The following CCDC6 variants were observed in gnomAD, a reference collection of about 807,000 sequenced individuals.
CCDC6 encodes the protein coiled-coil domain containing 6.
CCDC6 carries 20 observed loss-of-function variants against 56.6 expected under a neutral mutation model. That is an observed-to-expected ratio of 0.35 (90% CI 0.25 to 0.51). The LOEUF (loss-of-function observed/expected upper bound fraction) is 0.51. Among genes scored for constraint, CCDC6 ranks in the 20% least tolerant of loss-of-function variants. CCDC6 has a pLI of 0.95. For missense variants in CCDC6, 367 were observed against 601.1 expected (o/e 0.61, Z 4.07); for synonymous variants, 241 against 234.4 (o/e 1.03, Z -0.26).
chr10:59,846,288 T>C (rs2070990871), intron 2 of CCDC6, among the ~76,000 whole-genome samples: 1 of 152,210 alleles, frequency 6.6e-6, no homozygotes, highest in Non-Finnish European at 1.5e-5. Context: ...CAGGCAGATC[T>C]GGAGACCTAG....
chr10:59,894,224 C>T (rs1029267878), intron 1 of CCDC6, among the ~76,000 whole-genome samples: 6 of 152,312 alleles, frequency 3.9e-5, no homozygotes, highest in African/African-American at 9.6e-5. Flanking sequence ...ACTCTTCCCC[C>T]GCCCTTCTGT....
chr10:59,900,500 C>T (rs184003757), intron 1 of CCDC6, among the ~76,000 whole-genome samples: 457 of 152,242 alleles, frequency 3.0e-3, no homozygotes, highest in Admixed American at 5.7e-3. Flanking sequence ...GGGCTAAACG[C>T]ATGTAAGAGG....
intron 1 of CCDC6, among the ~76,000 whole-genome samples, chr10:59,874,074 T>C (rs1037813896): frequency 2.2e-4 from 34 of 151,522 alleles, no homozygotes; most frequent in African/African-American, 7.8e-4. Flanking sequence ...TGGTGAAGCA[T>C]GTCCGAAGCG....
intron 2 of CCDC6, among the ~76,000 whole-genome samples, chr10:59,836,089 A>G (rs1192509040): frequency 6.6e-6 from 1 of 151,142 alleles, no homozygotes. Context: ...GCTTGAGAGA[A>G]GCACAGAAGC....
At chr10:59,834,778 G>C (rs924733467) in intron 2 of CCDC6, among the ~76,000 whole-genome samples, 1 of 152,106 alleles carries the variant, frequency 6.6e-6, no homozygotes, top group African/African-American at 2.4e-5. Flanking sequence ...TTAAAACTCA[G>C]GTTCTGCAAG....
chr10:59,817,479 T>C (rs1430084134), intron 3 of CCDC6, among the ~76,000 whole-genome samples: 2 of 152,152 alleles, frequency 1.3e-5, no homozygotes, highest in Non-Finnish European at 2.9e-5. Context: ...GCCCCCAGCC[T>C]CAGAATTATG....
At chr10:59,816,166 C>A (rs1477072470) in intron 3 of CCDC6, among the ~76,000 whole-genome samples, 1 of 152,058 alleles carries the variant, frequency 6.6e-6, no homozygotes, top group Non-Finnish European at 1.5e-5. Context: ...ACATCTGAGC[C>A]AGAATGAATA....
chr10:59,897,187 G>T (rs79282050), intron 1 of CCDC6, among the ~76,000 whole-genome samples: 8,056 of 151,958 alleles, frequency 0.053, 359 homozygotes, highest in African/African-American at 0.12. Flanking sequence ...GTCTAGTGAA[G>T]AACTCCACCC....
chr10:59,902,971 A>C (rs1457802120), intron 1 of CCDC6, among the ~76,000 whole-genome samples: 1 of 152,222 alleles, frequency 6.6e-6, no homozygotes, highest in Non-Finnish European at 1.5e-5. Flanking sequence ...ATACATCCAA[A>C]CAATGAAATA....
chr10:59,809,883 C>G (rs2070658996), intron 5 of CCDC6, among the ~76,000 whole-genome samples: 1 of 152,226 alleles, frequency 6.6e-6, no homozygotes, highest in Non-Finnish European at 1.5e-5. Context: ...TAAGGACTTA[C>G]TGTATTTTAG....
chr10:59,873,806 T>C (rs1416578115), intron 1 of CCDC6, among the ~76,000 whole-genome samples: 1 of 152,130 alleles, frequency 6.6e-6, no homozygotes, highest in African/African-American at 2.4e-5. Flanking sequence ...GATTTTGTAA[T>C]AGACTGCTAA....
chr10:59,904,866 A>G (rs1178562363), intron 1 of CCDC6, among the ~76,000 whole-genome samples: 2 of 152,156 alleles, frequency 1.3e-5, no homozygotes, highest in African/African-American at 2.4e-5. Context: ...GGGTGTACAC[A>G]CGCGTGCGCA....
intron 6 of CCDC6, chr10:59,805,357 CAA>C (rs1397029898): frequency 6.6e-6 from 1 of 152,160 alleles, no homozygotes; most frequent in Non-Finnish European, 1.5e-5. Context: ...TTCTTTCTCC[CAA>C]ATGTAGTATC....
chr10:59,791,955 G>A lies in CCDC6; in HGVS notation c.*962C>T, dbSNP rs55635652. On this transcript the variant is annotated 3_prime_UTR_variant, in exon 9 of 9. Coordinates refer to ENST00000263102, the MANE Select transcript of CCDC6 (RefSeq NM_005436.5). ...TCTGGCCATTATGCCAAGATAATGC[G>A]ATAATGTCCATTTCAAATAGTATTT... 265 of 220,948 alleles carry A rather than the reference G, an allele frequency of 1.2e-3. 3 individuals carry two copies. Among genetic ancestry groups the A allele is most frequent in the African/African-American group, 5.5e-3 (244 of 44,738 alleles). The allele number at this position is 220,948 out of a possible 1,614,324, so 13.7% of individuals were successfully genotyped here. A position where few individuals can be genotyped will look rare whatever the true frequency, so the allele number is the denominator to read the frequency against.
At chr10:59,822,139 ATACAGCTT>A (rs1386406060) in intron 3 of CCDC6, among the ~76,000 whole-genome samples, 1 of 152,206 alleles carries the variant, frequency 6.6e-6, no homozygotes, top group African/African-American at 2.4e-5. Context: ...ACTTTCTTTA[ATACAGCTT>A]ACATCTTTTT....
At chr10:59,880,073 C>A (rs1475926487) in intron 1 of CCDC6, among the ~76,000 whole-genome samples, 1 of 152,096 alleles carries the variant, frequency 6.6e-6, no homozygotes, top group Non-Finnish European at 1.5e-5. Context: ...CTGGCAGAGG[C>A]TCTGAGTGCA....
At chr10:59,880,073 C>T (rs1475926487) in intron 1 of CCDC6, among the ~76,000 whole-genome samples, 1 of 152,096 alleles carries the variant, frequency 6.6e-6, no homozygotes, top group Admixed American at 6.5e-5. Context: ...CTGGCAGAGG[C>T]TCTGAGTGCA....
At chr10:59,848,185 C>A (rs2071009678) in intron 2 of CCDC6, among the ~76,000 whole-genome samples, 1 of 152,116 alleles carries the variant, frequency 6.6e-6, no homozygotes. Context: ...CACCTATGAC[C>A]CTAAACTGGA....
chr10:59,835,198 C>T lies in CCDC6; in HGVS notation c.454-2545G>A, dbSNP rs998841145. ...ATTTGAAAGAACCCTTCTTTTTTCTCAACATTATGCCTCTGCCCTGAGGTA... is the reference window on the plus strand; with the variant it reads ...ATTTGAAAGAACCCTTCTTTTTTCTTAACATTATGCCTCTGCCCTGAGGTA... On this transcript the variant is annotated intron_variant, in intron 2 of 8. Coordinates refer to ENST00000263102, the MANE Select transcript of CCDC6 (RefSeq NM_005436.5). Among the ~76,000 whole-genome samples, 6 of 152,148 alleles carry T rather than the reference C, an allele frequency of 3.9e-5. No individual in the cohort carries two copies. The East Asian group carries it at 1.2e-3, about 29-fold the overall frequency.
Sources: allele counts gnomAD v4.1 joint callset (sites outside exome capture counted in the v4.1 genomes callset), GRCh38; gene constraint gnomAD v4.1.1; transcripts MANE v1.5; gene names NCBI Gene and HGNC (gene_info 2026-07-23, HGNC 2026-07-21).